The following C8orf74 variants were observed in gnomAD, a reference collection of about 807,000 sequenced individuals.
The protein encoded by C8orf74 is chromosome 8 open reading frame 74.
In C8orf74, 29 loss-of-function variants were observed where a neutral mutation model predicts 22.2. That is an observed-to-expected ratio of 1.31 (90% CI 0.97 to 1.78). The LOEUF is 1.78. Among genes scored for constraint, C8orf74 ranks in the 40% most tolerant of loss-of-function variants. The pLI is 0.00. For missense variants in C8orf74, 515 were observed against 369.9 expected, an observed-to-expected ratio of 1.39 and a Z score of -3.22; for synonymous variants, 255 against 163.1, an observed-to-expected ratio of 1.56 and a Z score of -4.30.
chr8:10,681,313 C>T (rs1349808415), intron 2 of C8orf74, among the ~76,000 whole-genome samples: 2 of 152,154 alleles, frequency 1.3e-5, no homozygotes, highest in African/African-American at 4.8e-5. Flanking sequence ...AAGCTCTGGG[C>T]AGATCACATC....
rs1244542787 is a variant in C8orf74 at position 10,697,800 on chromosome 8, C to G, written c.443C>G (p.Pro148Arg). The G allele has an allele frequency of 6.2e-7, 1 of 1,613,884 alleles. No individual in the cohort carries two copies. The highest frequency in any genetic ancestry group is 1.3e-5 in the African/African-American group (1 of 74,952). ...TVAHLEVCMP[P>R]HPLPLAEGMD... Reference sequence around the variant, plus strand: ...GCCCACCTGGAGGTGTGCATGCCACCCCATCCCCTCCCGCTGGCCGAGGGC... The same window carrying G: ...GCCCACCTGGAGGTGTGCATGCCACGCCATCCCCTCCCGCTGGCCGAGGGC... Residue 148 changes from proline to arginine, a missense_variant, in exon 3 of 4, where the codon CCC (proline) becomes CGC (arginine). Coordinates refer to ENST00000304519, the MANE Select transcript of C8orf74 (RefSeq NM_001040032.2).
intron 2 of C8orf74, among the ~76,000 whole-genome samples, chr8:10,694,753 T>C (rs1444248619): frequency 1.3e-5 from 2 of 152,214 alleles, no homozygotes; most frequent in African/African-American, 4.8e-5. Flanking sequence ...TTCTTTTCCT[T>C]TCACAAATGA....
chr8:10,681,780 C>G (rs931079248), intron 2 of C8orf74, among the ~76,000 whole-genome samples: 5 of 152,238 alleles, frequency 3.3e-5, no homozygotes, highest in South Asian at 2.1e-4. Context: ...CCGCCAATCC[C>G]AGGCCTGGCA....
intron 2 of C8orf74, among the ~76,000 whole-genome samples, chr8:10,681,466 A>T (rs1293423320): frequency 6.6e-6 from 1 of 152,164 alleles, no homozygotes; most frequent in Non-Finnish European, 1.5e-5. Flanking sequence ...GGGGAGGCTC[A>T]GGAGAGGAGA....
intron 2 of C8orf74, among the ~76,000 whole-genome samples, chr8:10,684,719 G>T (rs187659354): frequency 1.3e-5 from 2 of 152,098 alleles, no homozygotes; most frequent in African/African-American, 4.8e-5. Flanking sequence ...TTGTTCTTAC[G>T]TAGTTCTTAG....
chr8:10,674,227 C>T (rs1300658770), intron 1 of C8orf74, among the ~76,000 whole-genome samples: 2 of 143,066 alleles, frequency 1.4e-5, no homozygotes, highest in African/African-American at 5.3e-5. Context: ...TGCCCCACAA[C>T]CCCATATCAT....
chr8:10,682,918 G>A (rs1448034056), intron 2 of C8orf74, among the ~76,000 whole-genome samples: 1 of 152,234 alleles, frequency 6.6e-6, no homozygotes, highest in Non-Finnish European at 1.5e-5. Flanking sequence ...CTTCGCAGGT[G>A]CCATTTGAAA....
intron 2 of C8orf74, among the ~76,000 whole-genome samples, chr8:10,687,548 G>A (rs1424442319): frequency 6.9e-6 from 1 of 144,048 alleles, no homozygotes; most frequent in Non-Finnish European, 1.5e-5. Context: ...GGAGGCGGAG[G>A]TTGCAGTCAG....
chr8:10,674,804 C>A lies in C8orf74; in HGVS notation c.207C>A (p.Val69=). ...GFPWVEVAQV[V]KFTEELLRET... The stretch of plus-strand genomic sequence containing the variant: ...CATGGGTGGAGGTGGCCCAGGTGGT[C>A]AAGTTCACAGAAGAGCTGCTAAGGG... Residue 69 remains valine, a synonymous_variant, in exon 2 of 4, where the codon GTC becomes GTA. Coordinates refer to ENST00000304519, the MANE Select transcript of C8orf74 (RefSeq NM_001040032.2). 1 of 1,605,414 alleles carries A rather than the reference C, an allele frequency of 6.2e-7. No individual in the cohort carries two copies. Among genetic ancestry groups the A allele is most frequent in the Non-Finnish European group, 8.5e-7 (1 of 1,176,064 alleles).
Position 10,698,030 on chromosome 8 carries a change from G to C in C8orf74, c.648+25G>C, listed in dbSNP as rs73532622. The C allele has an allele frequency of 4.1e-6, 6 of 1,447,036 alleles. No homozygotes were observed. The African/African-American group carries it at 5.7e-5, about 14-fold the overall frequency. 89.6% of individuals were successfully genotyped at this position (1,447,036 alleles called of 1,614,324 possible). ...GGTGAGGCTCTGCCCCCCTGCCGTG[G>C]GTGGGCACCTGGGCCTGCAGAGACA... On this transcript the variant is annotated intron_variant, in intron 3 of 3. Transcript: ENST00000304519.
chr8:10,689,994 C>T (rs904589922), intron 2 of C8orf74, among the ~76,000 whole-genome samples: 1 of 152,148 alleles, frequency 6.6e-6, no homozygotes. Flanking sequence ...ACTCCTTCCT[C>T]GTGCAGTTCC....
chr8:10,693,671 A>G, intron 2 of C8orf74, among the ~76,000 whole-genome samples: 1 of 152,270 alleles, frequency 6.6e-6, no homozygotes, highest in African/African-American at 2.4e-5. Flanking sequence ...GGGTCATGTC[A>G]GACGTCAGCG....
intron 2 of C8orf74, among the ~76,000 whole-genome samples, chr8:10,684,056 A>G (rs573598546): frequency 5.3e-5 from 8 of 152,298 alleles, no homozygotes; most frequent in African/African-American, 1.7e-4. Context: ...CCGTGCTTCC[A>G]GGAGGACCAG....
chr8:10,691,273 A>G, intron 2 of C8orf74: 1 of 237,764 alleles, frequency 4.2e-6, no homozygotes, highest in South Asian at 5.9e-5. Context: ...GGCATCGGCC[A>G]GGATGATAAG....
chr8:10,697,558 C>G (rs757294181), intron 2 of C8orf74, 41 bp from the exon 3 acceptor site: 4 of 1,584,274 alleles, frequency 2.5e-6, no homozygotes, highest in African/African-American at 1.3e-5. Flanking sequence ...CAGGGCAGCT[C>G]TGTCCCACTC....
Position 10,697,907 on chromosome 8 carries a change from C to A in C8orf74, c.550C>A (p.Leu184Ile). Residue 184 changes from leucine to isoleucine, a missense_variant, in exon 3 of 4, where the codon CTC (leucine) becomes ATC (isoleucine). Transcript: ENST00000304519. ...AEAQKRADVL[L>I]LKEALRLERE... ...GGCACAGAAGCGCGCCGACGTGCTG[C>A]TCCTGAAAGAGGCGCTGCGCCTGGA... 1 of 1,606,364 alleles carries A rather than the reference C, an allele frequency of 6.2e-7. No homozygotes were observed. Among genetic ancestry groups the A allele is most frequent in the Non-Finnish European group, 8.5e-7 (1 of 1,175,918 alleles).
intron 2 of C8orf74, among the ~76,000 whole-genome samples, chr8:10,696,483 T>G (rs1799504846): frequency 1.4e-5 from 2 of 145,736 alleles, no homozygotes; most frequent in Middle Eastern, 7.0e-3. Flanking sequence ...TCTTGCTCTG[T>G]TTCCCAGGCT....
chr8:10,698,626 C>G (rs934258809), intron 3 of C8orf74, among the ~76,000 whole-genome samples: 1 of 152,122 alleles, frequency 6.6e-6, no homozygotes, highest in Admixed American at 6.5e-5. Context: ...ACCATGACGA[C>G]CCCAGCCTCA....
chr8:10,689,231 A>T (rs548519963), intron 2 of C8orf74: 1 of 152,326 alleles, frequency 6.6e-6, no homozygotes, highest in South Asian at 2.1e-4. Context: ...TCAGGTCCTG[A>T]CTTTGCCACA....
Sources: allele counts gnomAD v4.1 joint callset (sites outside exome capture counted in the v4.1 genomes callset), GRCh38; gene constraint gnomAD v4.1.1; transcripts MANE v1.5; gene names NCBI Gene and HGNC (gene_info 2026-07-23, HGNC 2026-07-21).